Variants in CLCN3 observed in about 807,000 individuals in gnomAD.
The protein encoded by CLCN3 is H(+)/Cl(-) exchange transporter 3.
In CLCN3, 16 loss-of-function variants were observed where a neutral mutation model predicts 83.4. The ratio of observed to expected loss-of-function variants is 0.19; its 90% CI spans 0.13 to 0.29. The LOEUF (loss-of-function observed/expected upper bound fraction) is 0.29, where lower values mean the gene tolerates loss of function less well. Among genes scored for constraint, CLCN3 ranks in the 10% least tolerant of loss-of-function variants. The pLI, the probability that CLCN3 is intolerant of heterozygous loss-of-function variation, is 1.00. For synonymous variants in CLCN3, 322 were observed against 346.2 expected (o/e 0.93, Z 0.78); for missense variants, 544 against 1,006.0 (o/e 0.54, Z 6.21).
Position 169,697,384 on chromosome 4 carries a change from G to A in CLCN3, c.1213G>A (p.Ala405Thr). ...LLGVFGGLWG[A>T]FFIRANIAWC... The stretch of plus-strand genomic sequence containing the variant: ...AGGGGTATTTGGAGGGCTTTGGGGA[G>A]CCTTTTTCATTAGGGCAAATATTGC... The change falls in exon 9 of 13, where the codon GCC becomes ACC. Residue 405 changes from alanine to threonine, a missense_variant. Ala to Thr is a moderately conservative substitution (Grantham distance 58). Coordinates refer to ENST00000513761, the MANE Select transcript of CLCN3 (RefSeq NM_001829.4). 6.2e-7 allele frequency: 1 copy of A among 1,614,018 alleles called. No homozygotes were observed. Among genetic ancestry groups the A allele is most frequent in the Non-Finnish European group, 8.5e-7 (1 of 1,180,006 alleles).
intron 11 of CLCN3, among the ~76,000 whole-genome samples, chr4:169,711,655 A>G (rs1318786501): frequency 1.3e-5 from 2 of 152,044 alleles, no homozygotes; most frequent in Non-Finnish European, 2.9e-5. Flanking sequence ...TGGCCTGATC[A>G]TGCTTTTAAG....
Position 169,697,326 on chromosome 4 carries a change from G to C in CLCN3, c.1155G>C (p.Trp385Cys). ...TTTATGTGGAGTATCATACACCATG[G>C]TACCTTTTTGAACTGTTTCCTTTTA... ...VLFYVEYHTP[W>C]YLFELFPFIL... The change falls in exon 9 of 13, where the codon TGG becomes TGC. Residue 385 changes from tryptophan (W) to cysteine (C), a missense_variant. Trp to Cys is a radical substitution (Grantham distance 215). This residue lies in a region of CLCN3 where 194 missense variants were observed against 341.4 expected (regional missense o/e 0.57). Transcript: ENST00000513761. 6.2e-7 allele frequency: 1 copy of C among 1,614,066 alleles called. No individual in the cohort carries two copies. Among genetic ancestry groups the C allele is most frequent in the Non-Finnish European group, 8.5e-7 (1 of 1,180,016 alleles).
At chr4:169,642,898 A>G (rs182675467) in intron 2 of CLCN3, 2 of 152,308 alleles carry the variant, frequency 1.3e-5, no homozygotes, top group Admixed American at 6.5e-5. Flanking sequence ...CACCATTATT[A>G]TATAGTATAA....
chr4:169,681,091 C>A (rs2150239961), intron 3 of CLCN3, among the ~76,000 whole-genome samples: 1 of 152,194 alleles, frequency 6.6e-6, no homozygotes, highest in South Asian at 2.1e-4. Flanking sequence ...TTCTGTTGCC[C>A]AAACTGGAGT....
intron 1 of CLCN3, among the ~76,000 whole-genome samples, chr4:169,625,462 A>AT (rs1221498793): frequency 6.6e-6 from 1 of 151,892 alleles, no homozygotes; most frequent in African/African-American, 2.4e-5. Context: ...TGGTTTTCCT[A>AT]TTTTTGCTCC....
At chr4:169,685,351 T>A (rs990545382) in intron 3 of CLCN3, among the ~76,000 whole-genome samples, 5 of 152,206 alleles carry the variant, frequency 3.3e-5, no homozygotes, top group Non-Finnish European at 7.3e-5. Context: ...CAAAGAAGTC[T>A]AGTTTCTATC....
intron 2 of CLCN3, among the ~76,000 whole-genome samples, chr4:169,677,104 A>G (rs552352749): frequency 5.3e-5 from 8 of 152,102 alleles, no homozygotes; most frequent in Admixed American, 2.0e-4. Flanking sequence ...TTGGAACTTC[A>G]GTATTTGAAC....
At chr4:169,702,403 G>A (rs11727690) in intron 9 of CLCN3, among the ~76,000 whole-genome samples, 13,997 of 152,186 alleles carry the variant, frequency 0.092, 678 homozygotes, top group African/African-American at 0.12. Flanking sequence ...AGAGCTCTTG[G>A]AAGACCAGGT....
chr4:169,674,518 T>C (rs1253834836), intron 2 of CLCN3, among the ~76,000 whole-genome samples: 1 of 152,202 alleles, frequency 6.6e-6, no homozygotes, highest in Non-Finnish European at 1.5e-5. Flanking sequence ...AAGTGGAAGT[T>C]ACTACATAAC....
intron 1 of CLCN3, among the ~76,000 whole-genome samples, chr4:169,632,116 C>T (rs1047301047): frequency 6.6e-6 from 1 of 152,174 alleles, no homozygotes; most frequent in Non-Finnish European, 1.5e-5. Context: ...AGGAAAAGTA[C>T]AGGTCAATAT....
chr4:169,705,690 T>C (rs77239135), intron 10 of CLCN3, among the ~76,000 whole-genome samples: 5,174 of 152,188 alleles, frequency 0.034, 309 homozygotes, highest in African/African-American at 0.12. Context: ...CTTGCTATTT[T>C]TAGGTAAAAA....
intron 2 of CLCN3, among the ~76,000 whole-genome samples, chr4:169,676,723 C>T (rs1447756785): frequency 6.8e-6 from 1 of 146,336 alleles, no homozygotes; most frequent in African/African-American, 2.5e-5. Flanking sequence ...GTCTCAAATT[C>T]CTGAGCTCAA....
chr4:169,671,592 T>C (rs1426150707), intron 2 of CLCN3, among the ~76,000 whole-genome samples: 1 of 152,188 alleles, frequency 6.6e-6, no homozygotes, highest in Non-Finnish European at 1.5e-5. Context: ...TCTGAACATG[T>C]ATCCCAGAAC....
At chr4:169,719,790 A>G (rs1733563295) in intron 12 of CLCN3, 117 bp from the exon 13 acceptor site, 1 of 723,754 alleles carries the variant, frequency 1.4e-6, no homozygotes, top group African/African-American at 1.8e-5. Flanking sequence ...TGGAAATACA[A>G]AATCAGGCTG....
intron 2 of CLCN3, among the ~76,000 whole-genome samples, chr4:169,664,873 T>C (rs1246261326): frequency 2.6e-5 from 4 of 152,234 alleles, no homozygotes; most frequent in Non-Finnish European, 5.9e-5. Context: ...TAATTTTGGC[T>C]ATTTTCCCAG....
At chr4:169,621,500 A>T (rs1276084712) in intron 1 of CLCN3, among the ~76,000 whole-genome samples, 1 of 152,334 alleles carries the variant, frequency 6.6e-6, no homozygotes, top group African/African-American at 2.4e-5. Flanking sequence ...TTGACTTTGC[A>T]TGTGGTATGC....
intron 5 of CLCN3, 61 bp downstream of exon 5, chr4:169,689,291 A>G (rs1732276816): frequency 7.1e-7 from 1 of 1,410,864 alleles, no homozygotes; most frequent in African/African-American, 1.4e-5. Flanking sequence ...TTTCCAATTC[A>G]TTTAATTATA....
chr4:169,672,554 T>C (rs1043784769), intron 2 of CLCN3, among the ~76,000 whole-genome samples: 2 of 152,176 alleles, frequency 1.3e-5, no homozygotes, highest in African/African-American at 4.8e-5. Flanking sequence ...TAAGATGAAA[T>C]CGAGAGGTGA....
chr4:169,663,314 TTTGTTGTTG>T (rs71590022), intron 2 of CLCN3, among the ~76,000 whole-genome samples: 56 of 131,112 alleles, frequency 4.3e-4, no homozygotes, highest in African/African-American at 1.2e-3. Context: ...AGTGGGTTTT[TTTGTTGTTG>T]TTGTTGTTGT....
Sources: allele counts gnomAD v4.1 joint callset (sites outside exome capture counted in the v4.1 genomes callset), GRCh38; gene constraint gnomAD v4.1.1; regional missense constraint gnomAD v4.1.1; transcripts MANE v1.5; gene names NCBI Gene and HGNC (gene_info 2026-07-23, HGNC 2026-07-21).